BAALC: variants seen among roughly 807,000 people sequenced by gnomAD.
BAALC encodes brain and acute leukemia cytoplasmic protein.
A neutral mutation model predicts 15.5 loss-of-function variants in BAALC; 9 were observed. That is an observed-to-expected ratio of 0.58 (90% CI 0.35 to 1.02). The LOEUF is 1.02. Ranked by LOEUF, BAALC falls within the 50% of genes least tolerant of loss-of-function variation. The probability of loss-of-function intolerance (pLI) is 0.02; values close to 1 mark genes in which losing one functional copy is unlikely to be tolerated. For missense variants in BAALC, 201 were observed against 192.4 expected, an observed-to-expected ratio of 1.04 and a Z score of -0.27; for synonymous variants, 80 against 74.6, an observed-to-expected ratio of 1.07 and a Z score of -0.37.
At chr8:103,227,805 G>A (rs1308916777) in intron 2 of BAALC, among the ~76,000 whole-genome samples, 184 bp from the exon 3 acceptor site, 1 of 151,952 alleles carries the variant, frequency 6.6e-6, no homozygotes, top group Non-Finnish European at 1.5e-5. Flanking sequence ...AAATAGTGAA[G>A]TCCTCAAACC....
intron 1 of BAALC, among the ~76,000 whole-genome samples, chr8:103,144,375 A>G (rs2515190): frequency 0.75 from 114,401 of 152,190 alleles, 43,268 homozygotes; most frequent in African/African-American, 0.78. Context: ...TAGAATTTAA[A>G]AGCTAGCTGA....
intron 1 of BAALC, among the ~76,000 whole-genome samples, chr8:103,170,785 C>T (rs1386451302): frequency 1.3e-5 from 2 of 152,106 alleles, no homozygotes; most frequent in African/African-American, 2.4e-5. Context: ...TATTAAGTTA[C>T]GTGATTTAGT....
chr8:103,145,782 C>T (rs1420819465), intron 1 of BAALC, among the ~76,000 whole-genome samples: 4 of 152,160 alleles, frequency 2.6e-5, no homozygotes, highest in South Asian at 2.1e-4. Flanking sequence ...ACGTAGGTGG[C>T]GCTCAATAAA....
At chr8:103,178,023 G>A (rs1440334744) in intron 1 of BAALC, among the ~76,000 whole-genome samples, 5 of 152,114 alleles carry the variant, frequency 3.3e-5, no homozygotes, top group African/African-American at 1.2e-4. Context: ...TATAATCTCT[G>A]GTGGGGAAAT....
intron 1 of BAALC, among the ~76,000 whole-genome samples, chr8:103,164,508 G>T (rs780554415): frequency 1.2e-4 from 18 of 152,146 alleles, no homozygotes; most frequent in Non-Finnish European, 2.1e-4. Flanking sequence ...TCACTCTTGT[G>T]CCCAATAATA....
At chr8:103,186,466 G>A (rs1219260781) in intron 1 of BAALC, among the ~76,000 whole-genome samples, 1 of 152,140 alleles carries the variant, frequency 6.6e-6, no homozygotes, top group Non-Finnish European at 1.5e-5. Flanking sequence ...AGACATAAAA[G>A]CGCCAATAAA....
intron 1 of BAALC, chr8:103,165,713 G>C (rs554057493): frequency 6.6e-6 from 1 of 152,216 alleles, no homozygotes; most frequent in South Asian, 2.1e-4. Context: ...TACTTCTTCA[G>C]CCAGCCACTG....
At position 103,230,009 on chromosome 8, in the gene BAALC, A is replaced by G. The variant is rs993355189; in HGVS notation, c.*1910A>G. ...CTTCTCTTTACAGCTTTGTTTCTGC[A>G]TCAGTTCACTGCTGCATGTTGTTTG... On this transcript the variant is annotated 3_prime_UTR_variant, in exon 3 of 3. Coordinates refer to ENST00000309982, the MANE Select transcript of BAALC (RefSeq NM_024812.3). 5 of 152,134 alleles carry G rather than the reference A, an allele frequency of 3.3e-5. No individual in the cohort carries two copies. The highest frequency in any genetic ancestry group is 1.2e-4 in the African/African-American group (5 of 41,422). The allele number at this position is 152,134 out of a possible 1,614,324, so 9.4% of individuals were successfully genotyped here.
intron 1 of BAALC, among the ~76,000 whole-genome samples, chr8:103,194,042 T>C (rs1252403195): frequency 6.6e-6 from 1 of 152,156 alleles, no homozygotes; most frequent in East Asian, 1.9e-4. Context: ...AGAAAAAATA[T>C]CAAAAAGCAA....
Position 103,219,322 on chromosome 8 carries a change from A to G in BAALC, c.327+6237A>G, listed in dbSNP as rs543289281. The G allele has an allele frequency of 4.6e-5, 7 of 152,264 alleles. No individual in the cohort carries two copies. In the East Asian group the frequency reaches 1.3e-3, roughly 29 times the overall value. 9.4% of individuals were successfully genotyped at this position (152,264 alleles called of 1,614,324 possible). ...GTTATGAACCTAACAGGTACTCACT[A>G]CCTACGTGTTGATTAACTGAGACAG... On this transcript the variant is annotated intron_variant, in intron 2 of 2. Transcript: ENST00000309982.
chr8:103,201,560 G>A (rs1812218789), intron 1 of BAALC, among the ~76,000 whole-genome samples: 1 of 152,230 alleles, frequency 6.6e-6, no homozygotes, highest in South Asian at 2.1e-4. Flanking sequence ...CCTCTCTTAA[G>A]GAGAATTAGG....
At chr8:103,152,096 C>T (rs143824297) in intron 1 of BAALC, among the ~76,000 whole-genome samples, 181 of 152,216 alleles carry the variant, frequency 1.2e-3, no homozygotes, top group Non-Finnish European at 2.0e-3. Flanking sequence ...GCAGAACGAT[C>T]TTTTAAAAAC....
intron 1 of BAALC, among the ~76,000 whole-genome samples, chr8:103,161,896 G>A (rs921009196): frequency 1.3e-5 from 2 of 152,072 alleles, no homozygotes; most frequent in African/African-American, 4.8e-5. Context: ...TACAATTCTG[G>A]AAAAACTGCC....
intron 1 of BAALC, among the ~76,000 whole-genome samples, chr8:103,185,430 A>T (rs1428659667): frequency 1.3e-5 from 2 of 152,138 alleles, no homozygotes; most frequent in African/African-American, 4.8e-5. Flanking sequence ...TATCCCTATA[A>T]TAGTTTGAAG....
chr8:103,178,675 G>T (rs1053221333), intron 1 of BAALC, among the ~76,000 whole-genome samples: 1 of 152,094 alleles, frequency 6.6e-6, no homozygotes, highest in African/African-American at 2.4e-5. Context: ...TGGCCAACAT[G>T]GTGAAACCCT....
In BAALC at chr8:103,228,902, C is replaced by T. The variant is rs907028621; in HGVS notation, c.*803C>T. ...CAATTTTGCATAGCTTTCCAGTTCC[C>T]TTTGCTTGTCTTCTTGACTGTCTTC... On this transcript the variant is annotated 3_prime_UTR_variant, in exon 3 of 3. Coordinates refer to ENST00000309982, the MANE Select transcript of BAALC (RefSeq NM_024812.3). The T allele has an allele frequency of 6.6e-6, 1 of 152,290 alleles. No homozygotes were observed. Among genetic ancestry groups the T allele is most frequent in the Admixed American group, 6.5e-5 (1 of 15,282 alleles). 9.4% of individuals were successfully genotyped at this position (152,290 alleles called of 1,614,324 possible). A position where few individuals can be genotyped will look rare whatever the true frequency, so the allele number is the denominator to read the frequency against.
intron 1 of BAALC, among the ~76,000 whole-genome samples, chr8:103,174,029 T>C (rs1272995154): frequency 6.6e-6 from 1 of 152,188 alleles, no homozygotes; most frequent in East Asian, 1.9e-4. Flanking sequence ...GTTGTCCTTG[T>C]AGAGAAACTG....
intron 1 of BAALC, among the ~76,000 whole-genome samples, chr8:103,186,018 C>A (rs1811827359): frequency 6.6e-6 from 1 of 152,176 alleles, no homozygotes; most frequent in Non-Finnish European, 1.5e-5. Context: ...CTGTGGCCCA[C>A]ATTGCCCATT....
At chr8:103,171,390 A>AAGGAAGGAAAGG (rs566320711) in intron 1 of BAALC, among the ~76,000 whole-genome samples, 14,949 of 142,104 alleles carry the variant, frequency 0.11, 901 homozygotes, top group Middle Eastern at 0.13. Context: ...GCAAGAGAGG[A>AAGGAAGGAAAGG]AGGAAGGAAG....
Sources: allele counts gnomAD v4.1 joint callset (sites outside exome capture counted in the v4.1 genomes callset), GRCh38; gene constraint gnomAD v4.1.1; transcripts MANE v1.5; gene names NCBI Gene and HGNC (gene_info 2026-07-23, HGNC 2026-07-21).